CYRIA: variants seen among roughly 807,000 people sequenced by gnomAD.
CYRIA encodes CYFIP-related Rac1 interactor A.
Under a neutral mutation model 43.9 loss-of-function variants are expected in CYRIA, and 15 were observed. That is an observed-to-expected ratio of 0.34 (90% CI 0.23 to 0.53). The LOEUF (loss-of-function observed/expected upper bound fraction) is 0.53, where lower values mean the gene tolerates loss of function less well. CYRIA is among the 20% of genes least tolerant of loss of function. The pLI is 0.94. For synonymous variants in CYRIA, 117 were observed against 136.0 expected, an observed-to-expected ratio of 0.86 and a Z score of 0.97; for missense variants, 236 against 394.2, an observed-to-expected ratio of 0.60 and a Z score of 3.40.
At chr2:16,612,466 T>G (rs1668637973) in intron 2 of CYRIA, among the ~76,000 whole-genome samples, 1 of 152,120 alleles carries the variant, frequency 6.6e-6, no homozygotes, top group Admixed American at 6.5e-5. Context: ...TAGCTAAAGA[T>G]CTCATGCTAT....
At chr2:16,563,803 G>A (rs1322038913) in intron 5 of CYRIA, among the ~76,000 whole-genome samples, 186 bp downstream of exon 5, 4 of 152,158 alleles carry the variant, frequency 2.6e-5, no homozygotes, top group Non-Finnish European at 5.9e-5. Flanking sequence ...AACTTCAGGG[G>A]AAGAACTTTG....
chr2:16,630,530 C>A (rs1318497825), intron 1 of CYRIA, among the ~76,000 whole-genome samples: 1 of 152,150 alleles, frequency 6.6e-6, no homozygotes, highest in Non-Finnish European at 1.5e-5. Context: ...GGTGAGTGCA[C>A]CCATGTTCAG....
chr2:16,654,563 TTTAGAGC>T (rs1346020315), intron 1 of CYRIA, among the ~76,000 whole-genome samples: 1 of 152,172 alleles, frequency 6.6e-6, no homozygotes, highest in Non-Finnish European at 1.5e-5. Context: ...GTGTAGAAGT[TTTAGAGC>T]CAGGCCGACT....
Position 16,604,836 on chromosome 2 carries a change from A to T in CYRIA, c.-10-16707T>A, listed in dbSNP as rs183958634. ...ATGAAGTCATGAGGTTTTCTGTTCC[A>T]TTGTCAAATGTATTGCCAAGAATCC... On this transcript the variant is annotated intron_variant, in intron 2 of 11. Transcript: ENST00000381323. 1.2e-4 allele frequency among the ~76,000 whole-genome samples: 19 copies of T among 152,342 alleles called. No individual in the cohort carries two copies. In the East Asian group the frequency reaches 3.7e-3, roughly 29 times the overall value.
rs552661901 is a variant in CYRIA at position 16,574,157 on chromosome 2, T to C, written c.71-8390A>G. Among the ~76,000 whole-genome samples the C allele has an allele frequency of 5.8e-4, 89 of 152,278 alleles. No individual in the cohort carries two copies. The South Asian group carries it at 0.01, about 17-fold the overall frequency. On this transcript the variant is annotated intron_variant, in intron 3 of 11. Coordinates refer to ENST00000381323, the MANE Select transcript of CYRIA (RefSeq NM_030797.4). ...TGTTGGGAACTGGAGGAAAGGTGAC[T>C]CTTGTTATGTTTTAGCAAAAAGGCT... is the stretch of plus-strand genomic sequence containing the variant.
In CYRIA at chr2:16,565,785, C is replaced by T. The variant is rs1666908322; in HGVS notation, c.71-18G>A. ...CTGAGCATCTAAGAAACAGGGAAAC[C>T]GAGAGACAGAGTGCTGGTGTTTACA... On this transcript the variant is annotated intron_variant, in intron 3 of 11. Coordinates refer to ENST00000381323, the MANE Select transcript of CYRIA (RefSeq NM_030797.4). 7 of 1,542,718 alleles carry T rather than the reference C, an allele frequency of 4.5e-6. No homozygotes were observed. The highest frequency in any genetic ancestry group is 6.2e-6 in the Non-Finnish European group (7 of 1,130,020).
At chr2:16,560,965 C>A (rs368779110) in intron 9 of CYRIA, 25 bp downstream of exon 9, 1 of 1,605,212 alleles carries the variant, frequency 6.2e-7, no homozygotes, top group South Asian at 1.1e-5. Context: ...GTCTCAACCA[C>A]GAATACATCT....
At position 16,551,021 on chromosome 2, in the gene CYRIA, C is replaced by T. The variant is rs2103392667; in HGVS notation, c.*1915G>A. On this transcript the variant is annotated 3_prime_UTR_variant, in exon 12 of 12. Transcript: ENST00000381323. ...GGTTCAAAAAGGTCTTGAAGACCACCTAGCATATTTCTATTCTGATGAGAG... is the reference window on the plus strand; with the variant it reads ...GGTTCAAAAAGGTCTTGAAGACCACTTAGCATATTTCTATTCTGATGAGAG... 6.6e-6 allele frequency: 1 copy of T among 152,194 alleles called. No individual in the cohort carries two copies. The highest frequency in any genetic ancestry group is 2.1e-4 in the South Asian group (1 of 4,820). The allele number at this position is 152,194 out of a possible 1,614,324, so 9.4% of individuals were successfully genotyped here. A position where few individuals can be genotyped will look rare whatever the true frequency, so the allele number is the denominator to read the frequency against.
chr2:16,612,973 C>T (rs1263081540), intron 2 of CYRIA, among the ~76,000 whole-genome samples: 1 of 152,140 alleles, frequency 6.6e-6, no homozygotes, highest in Admixed American at 6.5e-5. Flanking sequence ...TGGGAGTTCC[C>T]CCGCACAAGC....
At chr2:16,651,436 T>G (rs1669974156) in intron 1 of CYRIA, among the ~76,000 whole-genome samples, 1 of 152,230 alleles carries the variant, frequency 6.6e-6, no homozygotes, top group South Asian at 2.1e-4. Flanking sequence ...TTCTGACAGC[T>G]GGAAAAAATC....
At chr2:16,638,683 T>C (rs191475283) in intron 1 of CYRIA, among the ~76,000 whole-genome samples, 7 of 152,320 alleles carry the variant, frequency 4.6e-5, no homozygotes, top group African/African-American at 1.7e-4. Context: ...CAAATACTTG[T>C]AAAGGAATCT....
At chr2:16,602,680 C>T (rs1159629740) in intron 2 of CYRIA, among the ~76,000 whole-genome samples, 1 of 152,008 alleles carries the variant, frequency 6.6e-6, no homozygotes, top group African/African-American at 2.4e-5. Flanking sequence ...TTTTAAAGCT[C>T]TCATTTTACA....
chr2:16,604,128 G>A (rs1243338299), intron 2 of CYRIA, among the ~76,000 whole-genome samples: 1 of 152,198 alleles, frequency 6.6e-6, no homozygotes, highest in Non-Finnish European at 1.5e-5. Flanking sequence ...CGTTAAGTCT[G>A]ACCTTCTAGC....
At chr2:16,592,069 G>A (rs1214416864) in intron 2 of CYRIA, among the ~76,000 whole-genome samples, 2 of 152,048 alleles carry the variant, frequency 1.3e-5, no homozygotes, top group African/African-American at 4.8e-5. Context: ...GAGAGTACAG[G>A]TTGAGTATTC....
chr2:16,565,915 G>A, intron 3 of CYRIA, 148 bp from the exon 4 acceptor site: 1 of 686,500 alleles, frequency 1.5e-6, no homozygotes, highest in Non-Finnish European at 2.1e-6. Context: ...CTGCTAGGAT[G>A]CTAGGAAGGG....
At chr2:16,629,125 C>T (rs1371470396) in intron 1 of CYRIA, among the ~76,000 whole-genome samples, 1 of 152,134 alleles carries the variant, frequency 6.6e-6, no homozygotes, top group African/African-American at 2.4e-5. Flanking sequence ...ATACAGCTGC[C>T]ACCACTACTG....
At position 16,552,828 on chromosome 2, in the gene CYRIA, G is replaced by T; in HGVS notation, c.*108C>A. ...GGTCCATATATTTCAGTGACAAGAAGGAAACGGTTATGTAAATACACAAGT... is the reference window on the plus strand; with the variant it reads ...GGTCCATATATTTCAGTGACAAGAATGAAACGGTTATGTAAATACACAAGT... On this transcript the variant is annotated 3_prime_UTR_variant, in exon 12 of 12. Coordinates refer to ENST00000381323, the MANE Select transcript of CYRIA (RefSeq NM_030797.4). 1.4e-6 allele frequency: 1 copy of T among 740,238 alleles called. No individual in the cohort carries two copies. Among genetic ancestry groups the T allele is most frequent in the Non-Finnish European group, 2.4e-6 (1 of 421,862 alleles). 45.9% of individuals were successfully genotyped at this position (740,238 alleles called of 1,614,324 possible). A position where few individuals can be genotyped will look rare whatever the true frequency, so the allele number is the denominator to read the frequency against.
rs139386835 is a variant in CYRIA, at chr2:16,550,268, G to GCA, written c.*2666_*2667dup. The GCA allele has an allele frequency of 1.9e-3, 283 of 146,612 alleles. No homozygotes were observed. The highest frequency in any genetic ancestry group is 5.9e-3 in the African/African-American group (230 of 39,312). The allele number at this position is 146,612 out of a possible 1,614,324, so 9.1% of individuals were successfully genotyped here. Reference sequence around the variant, plus strand: ...TAAGTCTTGGACGCATGTGCATGCAGCACACACACACACACACAAAAACCA... The same window carrying GCA: ...TAAGTCTTGGACGCATGTGCATGCAGCACACACACACACACACACAAAAACCA... On this transcript the variant is annotated 3_prime_UTR_variant, in exon 12 of 12. Transcript: ENST00000381323.
intron 1 of CYRIA, among the ~76,000 whole-genome samples, chr2:16,654,324 A>C (rs1670047250): frequency 6.6e-6 from 1 of 152,218 alleles, no homozygotes; most frequent in Non-Finnish European, 1.5e-5. Context: ...TTGGGAATAC[A>C]TGGTCAAAGT....
Sources: allele counts gnomAD v4.1 joint callset (sites outside exome capture counted in the v4.1 genomes callset), GRCh38; gene constraint gnomAD v4.1.1; transcripts MANE v1.5; gene names NCBI Gene and HGNC (gene_info 2026-07-23, HGNC 2026-07-21).